RANBP2: variants seen among roughly 807,000 people sequenced by gnomAD.
The protein encoded by RANBP2 is RAN binding protein 2.
Under a neutral mutation model 303.6 loss-of-function variants are expected in RANBP2, and 57 were observed. The observed-to-expected ratio is 0.19, with a 90% CI of 0.15 to 0.23. The LOEUF is 0.23. Ranked by LOEUF, RANBP2 falls within the 10% of genes least tolerant of loss-of-function variation. The probability of loss-of-function intolerance (pLI) is 1.00; values close to 1 mark genes in which losing one functional copy is unlikely to be tolerated. For missense variants in RANBP2, 3,138 were observed against 3,780.8 expected (o/e 0.83, Z 4.46); for synonymous variants, 1,167 against 1,301.5 (o/e 0.90, Z 2.23).
chr2:109,582,880 T>C, the RANBP2 span, among the ~76,000 whole-genome samples: 2 of 152,152 alleles, frequency 1.3e-5, no homozygotes, highest in East Asian at 3.9e-4. Context: ...GCCGCACACC[T>C]ACAGGCATCT....
At chr2:109,574,974 C>T in the RANBP2 span, among the ~76,000 whole-genome samples, 5 of 152,168 alleles carry the variant, frequency 3.3e-5, no homozygotes, top group Admixed American at 6.5e-5. Context: ...GGGGTTATAT[C>T]CTGATAAATC....
At chr2:109,428,273 C>T in the RANBP2 span, among the ~76,000 whole-genome samples, 124 of 152,322 alleles carry the variant, frequency 8.1e-4, no homozygotes, top group African/African-American at 2.9e-3. Context: ...ATGAAATTAG[C>T]GAAGGCACTA....
At chr2:108,794,678 G>A in the RANBP2 span, 1 of 1,613,948 alleles carries the variant, frequency 6.2e-7, no homozygotes, top group Non-Finnish European at 8.5e-7. Context: ...CATCAGATCA[G>A]TCAGATATAT....
At chr2:109,634,119 C>CAAAAAAAA in the RANBP2 span, among the ~76,000 whole-genome samples, 5 of 56,094 alleles carry the variant, frequency 8.9e-5, no homozygotes, top group East Asian at 7.2e-4. Flanking sequence ...GACTCTGTCT[C>CAAAAAAAA]AAAAAAAAAA....
the RANBP2 span, among the ~76,000 whole-genome samples, chr2:108,998,918 T>C: frequency 1.3e-5 from 2 of 152,234 alleles, no homozygotes; most frequent in Non-Finnish European, 2.9e-5. Flanking sequence ...CACCAGAGCC[T>C]GGTTCCCTGC....
chr2:109,222,448 C>G, the RANBP2 span, among the ~76,000 whole-genome samples: 1 of 152,058 alleles, frequency 6.6e-6, no homozygotes, highest in Non-Finnish European at 1.5e-5. Flanking sequence ...TATATGTACC[C>G]CATAAATATG....
chr2:109,077,721 A>G, the RANBP2 span, among the ~76,000 whole-genome samples: 1 of 150,254 alleles, frequency 6.7e-6, no homozygotes, highest in Non-Finnish European at 1.5e-5. Flanking sequence ...ACCCAACATC[A>G]CTATCATCAG....
At chr2:108,804,918 C>T in the RANBP2 span, 26 of 1,558,548 alleles carry the variant, frequency 1.7e-5, no homozygotes, top group Admixed American at 4.2e-5. Context: ...AACACTTAAC[C>T]GAAGTTCTTA....
At chr2:109,532,461 G>A in the RANBP2 span, among the ~76,000 whole-genome samples, 1 of 152,062 alleles carries the variant, frequency 6.6e-6, no homozygotes, top group African/African-American at 2.4e-5. Context: ...ATGGCAGTGG[G>A]GGCCTAGAAG....
the RANBP2 span, among the ~76,000 whole-genome samples, chr2:109,487,423 G>A: frequency 6.6e-5 from 10 of 152,328 alleles, no homozygotes; most frequent in South Asian, 2.1e-4. Context: ...ATTCCACAGC[G>A]ATTGGTAATA....
At chr2:108,753,630 G>T in intron 14 of RANBP2, 67 bp downstream of exon 14, 3 of 1,593,044 alleles carry the variant, frequency 1.9e-6, no homozygotes, top group Non-Finnish European at 2.6e-6. Context: ...AAAAGACGGG[G>T]TTTCTCTGTT....
chr2:109,203,093 A>C, the RANBP2 span, among the ~76,000 whole-genome samples: 4 of 152,308 alleles, frequency 2.6e-5, no homozygotes, highest in African/African-American at 9.6e-5. Flanking sequence ...AGCCTGGAAC[A>C]CTGGTGGCCC....
chr2:108,978,535 C>G, the RANBP2 span, among the ~76,000 whole-genome samples: 1 of 152,154 alleles, frequency 6.6e-6, no homozygotes, highest in East Asian at 1.9e-4. Context: ...ACATGCAGAT[C>G]CTCCCAAGGA....
the RANBP2 span, among the ~76,000 whole-genome samples, chr2:108,994,808 A>C: frequency 2.7e-5 from 3 of 112,310 alleles, no homozygotes; most frequent in Non-Finnish European, 5.0e-5. Flanking sequence ...ATATATATAT[A>C]TATATATATA....
At chr2:109,200,929 A>G in the RANBP2 span, among the ~76,000 whole-genome samples, 1 of 152,104 alleles carries the variant, frequency 6.6e-6, no homozygotes, top group Non-Finnish European at 1.5e-5. Context: ...CTGTTGGGAT[A>G]GTGCAGACCT....
At chr2:108,821,038 T>C in the RANBP2 span, among the ~76,000 whole-genome samples, 5 of 152,068 alleles carry the variant, frequency 3.3e-5, no homozygotes, top group Non-Finnish European at 5.9e-5. Context: ...TGTAAGTCTA[T>C]GTTAGGGGTT....
At chr2:109,615,326 G>A in the RANBP2 span, 1 of 1,611,068 alleles carries the variant, frequency 6.2e-7, no homozygotes, top group Non-Finnish European at 8.5e-7. Flanking sequence ...CCGATGGCAA[G>A]TGGGACAGCC....
At chr2:108,978,143 G>A in the RANBP2 span, among the ~76,000 whole-genome samples, 4 of 152,192 alleles carry the variant, frequency 2.6e-5, no homozygotes, top group South Asian at 6.2e-4. Context: ...CACAGGTCCC[G>A]CCCCTGTAAT....
At chr2:108,732,604 T>C (rs1695253279) in intron 4 of RANBP2, among the ~76,000 whole-genome samples, 1 of 152,228 alleles carries the variant, frequency 6.6e-6, no homozygotes, top group Non-Finnish European at 1.5e-5. Context: ...TAGTTTTCTT[T>C]CATTTTATCA....
Sources: allele counts gnomAD v4.1 joint callset (sites outside exome capture counted in the v4.1 genomes callset), GRCh38; gene constraint gnomAD v4.1.1; transcripts MANE v1.5; gene names NCBI Gene and HGNC (gene_info 2026-07-23, HGNC 2026-07-21).